UTRN: variants seen among roughly 807,000 people sequenced by gnomAD.
UTRN encodes utrophin, also known as dystrophin-related protein 1.
UTRN carries 283 observed loss-of-function variants against 463.9 expected under a neutral mutation model. That is an observed-to-expected ratio of 0.61 (90% confidence interval 0.55 to 0.67). UTRN has a LOEUF of 0.67. Among genes scored for constraint, UTRN ranks in the 30% least tolerant of loss-of-function variants. The probability of loss-of-function intolerance (pLI) is 0.00; values close to 1 mark genes in which losing one functional copy is unlikely to be tolerated. For synonymous variants in UTRN, 1,442 were observed against 1,431.5 expected (o/e 1.01, Z -0.17); for missense variants, 3,922 against 4,084.3 (o/e 0.96, Z 1.08).
At chr6:144,600,090 ATGT>A (rs1804085661) in intron 51 of UTRN, among the ~76,000 whole-genome samples, 1 of 152,198 alleles carries the variant, frequency 6.6e-6, no homozygotes, top group Non-Finnish European at 1.5e-5. Context: ...TAATCGATAA[ATGT>A]TGTGTGTGGT....
rs1160544307 is a variant in UTRN at position 144,851,997 on chromosome 6, T to C, written c.*1000T>C. On this transcript the variant is annotated 3_prime_UTR_variant, in exon 75 of 75. Transcript: ENST00000367545. ...TGTGATACCAGAACACATCATTGTC[T>C]TTGGTTCCCTTCAAAGAGAATTTTA... The C allele has an allele frequency of 6.6e-6, 1 of 152,168 alleles. No homozygotes were observed. The highest frequency in any genetic ancestry group is 6.6e-5 in the Admixed American group (1 of 15,252). The allele number at this position is 152,168 out of a possible 1,614,324, so 9.4% of individuals were successfully genotyped here. A position where few individuals can be genotyped will look rare whatever the true frequency, so the allele number is the denominator to read the frequency against.
At chr6:144,633,303 C>T (rs1007877324) in intron 51 of UTRN, among the ~76,000 whole-genome samples, 1 of 150,910 alleles carries the variant, frequency 6.6e-6, no homozygotes. Context: ...GATCTCGGCG[C>T]ACTGCAAGCT....
chr6:144,524,871 A>G (rs1381405643), intron 41 of UTRN, among the ~76,000 whole-genome samples: 2 of 152,168 alleles, frequency 1.3e-5, no homozygotes, highest in Non-Finnish European at 2.9e-5. Context: ...TGTTCCTTCT[A>G]TGCCAATTTT....
At chr6:144,583,236 G>T (rs1802149783) in intron 51 of UTRN, 1 of 365,150 alleles carries the variant, frequency 2.7e-6, no homozygotes, top group Non-Finnish European at 4.9e-6. Context: ...TGGCCATGCC[G>T]GGCTGAGCAA....
Position 144,653,970 on chromosome 6 carries a change from C to T in UTRN, c.7480-24436C>T, listed in dbSNP as rs115369054. On this transcript the variant is annotated intron_variant, in intron 51 of 74. Coordinates refer to ENST00000367545, the MANE Select transcript of UTRN (RefSeq NM_007124.3). ...TGCATAATACATTGTCTGTGTTCAC[C>T]GTCTATGTAGAACTCATTGCTCAGA... Among the ~76,000 whole-genome samples the T allele has an allele frequency of 2.7e-3, 411 of 152,230 alleles. 2 individuals carry two copies. Among genetic ancestry groups the T allele is most frequent in the African/African-American group, 9.2e-3 (383 of 41,534 alleles).
At chr6:144,433,850 C>G (rs1227235221) in intron 9 of UTRN, among the ~76,000 whole-genome samples, 2 of 151,480 alleles carry the variant, frequency 1.3e-5, no homozygotes, top group African/African-American at 2.4e-5. Context: ...ACGCTCCTCA[C>G]TTTCCAGACT....
chr6:144,625,040 T>C (rs1775807713), intron 51 of UTRN, among the ~76,000 whole-genome samples: 1 of 152,184 alleles, frequency 6.6e-6, no homozygotes, highest in African/African-American at 2.4e-5. Context: ...CAGCAGTGGC[T>C]AAAATTGAAA....
At chr6:144,474,499 A>G in intron 24 of UTRN, 105 bp from the exon 25 acceptor site, 1 of 1,208,646 alleles carries the variant, frequency 8.3e-7, no homozygotes. Flanking sequence ...CTGACTCTTA[A>G]GCAGTCTGCT....
At chr6:144,616,756 A>T (rs1222576177) in intron 51 of UTRN, among the ~76,000 whole-genome samples, 1 of 152,046 alleles carries the variant, frequency 6.6e-6, no homozygotes, top group Non-Finnish European at 1.5e-5. Context: ...TCTTATGCCC[A>T]CTGGCTCATT....
intron 58 of UTRN, among the ~76,000 whole-genome samples, chr6:144,761,971 G>A (rs1792740896): frequency 6.6e-6 from 1 of 152,126 alleles, no homozygotes; most frequent in Admixed American, 6.5e-5. Context: ...GTTGCTGTGG[G>A]AAGTAATAAT....
chr6:144,420,211 G>A (rs990268568), intron 3 of UTRN, among the ~76,000 whole-genome samples: 18 of 152,086 alleles, frequency 1.2e-4, no homozygotes, highest in African/African-American at 4.1e-4. Context: ...ACAGGAAGTG[G>A]GACTGTTCAT....
chr6:144,774,408 CG>C (rs759068985), intron 60 of UTRN, 44 bp downstream of exon 60: 246 of 1,367,594 alleles, frequency 1.8e-4, no homozygotes, highest in Non-Finnish European at 2.1e-4. Context: ...ACTTGAATTG[CG>C]TTTTTTTTTT....
At chr6:144,581,703 C>T (rs771359496) in intron 51 of UTRN, among the ~76,000 whole-genome samples, 14 of 152,134 alleles carry the variant, frequency 9.2e-5, no homozygotes, top group Non-Finnish European at 1.5e-4. Context: ...GCATATAATT[C>T]ACATACTGTA....
intron 63 of UTRN, 94 bp from the exon 64 acceptor site, chr6:144,797,730 T>C: frequency 1.5e-6 from 2 of 1,321,366 alleles, no homozygotes; most frequent in African/African-American, 1.5e-5. Flanking sequence ...TTTCCTCTTC[T>C]GCACAAATTT....
In UTRN at chr6:144,507,792, G is replaced by A. The variant is rs568594932; in HGVS notation, c.4765-3152G>A. On this transcript the variant is annotated intron_variant, in intron 34 of 74. Coordinates refer to ENST00000367545, the MANE Select transcript of UTRN (RefSeq NM_007124.3). The stretch of plus-strand genomic sequence containing the variant: ...TGTCCCTTAGCAGAGTTCGAGCTCT[G>A]TGCTGGGAGATCCGCTGCTCTCTTC... 1.1e-4 allele frequency among the ~76,000 whole-genome samples: 17 copies of A among 152,304 alleles called. 1 individual carries two copies. Among genetic ancestry groups the A allele is most frequent in the African/African-American group, 3.4e-4 (14 of 41,564 alleles).
intron 2 of UTRN, among the ~76,000 whole-genome samples, chr6:144,392,747 T>A (rs1782049238): frequency 6.6e-6 from 1 of 152,222 alleles, no homozygotes; most frequent in Non-Finnish European, 1.5e-5. Flanking sequence ...CTTGGCAAGC[T>A]TTTGTAGTGG....
At chr6:144,628,079 G>C (rs944011311) in intron 51 of UTRN, among the ~76,000 whole-genome samples, 4 of 152,264 alleles carry the variant, frequency 2.6e-5, no homozygotes, top group African/African-American at 9.6e-5. Flanking sequence ...GATTACAGGC[G>C]TGAGTCACCT....
At chr6:144,745,626 A>C (rs1790646786) in intron 54 of UTRN, among the ~76,000 whole-genome samples, 1 of 152,134 alleles carries the variant, frequency 6.6e-6, no homozygotes, top group Non-Finnish European at 1.5e-5. Flanking sequence ...TCAATCAATA[A>C]ATTTTTACAT....
At chr6:144,322,801 G>C (rs1373657107) in intron 2 of UTRN, among the ~76,000 whole-genome samples, 2 of 152,098 alleles carry the variant, frequency 1.3e-5, no homozygotes, top group Non-Finnish European at 2.9e-5. Context: ...AAATTAGCCA[G>C]GCGTGGTGGC....
Sources: gnomAD v4.1 joint callset for allele counts (sites outside exome capture counted in the v4.1 genomes callset) on GRCh38, gnomAD v4.1.1 for gene constraint, MANE v1.5 for transcripts, NCBI Gene and HGNC (gene_info 2026-07-23, HGNC 2026-07-21) for gene names.